The following SH3KBP1 variants were observed in gnomAD, a reference collection of about 807,000 sequenced individuals.
SH3KBP1 encodes SH3 domain containing kinase binding protein 1.
SH3KBP1 carries 8 observed loss-of-function variants against 50.1 expected under a neutral mutation model. The observed-to-expected ratio is 0.16, with a 90% CI of 0.09 to 0.29. The LOEUF is 0.29. SH3KBP1 is among the 10% of genes least tolerant of loss of function. The probability of loss-of-function intolerance (pLI) is 1.00; values close to 1 mark genes in which losing one functional copy is unlikely to be tolerated. For missense variants in SH3KBP1, 377 were observed against 535.2 expected, an observed-to-expected ratio of 0.70 and a Z score of 2.92; for synonymous variants, 227 against 218.6, an observed-to-expected ratio of 1.04 and a Z score of -0.34.
At chrX:19,842,217 C>A (rs767932498) in intron 1 of SH3KBP1, among the ~76,000 whole-genome samples, 30 of 112,106 alleles carry the variant, frequency 2.7e-4, no homozygotes, top group African/African-American at 8.4e-4. Flanking sequence ...AAATTTTATA[C>A]CTCAGTACAG....
chrX:19,804,892 C>T (rs1241366355), intron 2 of SH3KBP1, among the ~76,000 whole-genome samples: 4 of 85,957 alleles, frequency 4.7e-5, no homozygotes, highest in Non-Finnish European at 9.2e-5. Context: ...ACCCCCCCCC[C>T]CCCACCCGCT....
intron 12 of SH3KBP1, among the ~76,000 whole-genome samples, chrX:19,585,043 T>C (rs1208040973): frequency 3.6e-5 from 4 of 112,291 alleles, no homozygotes; most frequent in Non-Finnish European, 5.6e-5. Context: ...AGAAAACAAG[T>C]GCATAAACCA....
chrX:19,545,745 A>AT (rs2065063746), intron 15 of SH3KBP1, among the ~76,000 whole-genome samples, 177 bp downstream of exon 15: 1 of 112,190 alleles, frequency 8.9e-6, no homozygotes, highest in African/African-American at 3.2e-5. Context: ...TATCTCAGGG[A>AT]TTCTGCCTAG....
At chrX:19,856,333 C>G (rs759877306) in intron 1 of SH3KBP1, among the ~76,000 whole-genome samples, 8 of 111,539 alleles carry the variant, frequency 7.2e-5, no homozygotes, top group Non-Finnish European at 1.3e-4. Flanking sequence ...ACTACACTAC[C>G]CTCCCCCAAA....
intron 13 of SH3KBP1, among the ~76,000 whole-genome samples, chrX:19,568,605 G>C (rs981477743): frequency 2.7e-5 from 3 of 111,910 alleles, no homozygotes; most frequent in African/African-American, 9.7e-5. Flanking sequence ...TTTACCCAGA[G>C]AGACTGTAGC....
chrX:19,858,347 G>A (rs940183703), intron 1 of SH3KBP1, among the ~76,000 whole-genome samples: 1 of 110,877 alleles, frequency 9.0e-6, no homozygotes, highest in Admixed American at 9.6e-5. Flanking sequence ...CTCACCAGGT[G>A]CAGTGGCTTA....
chrX:19,617,013 C>T (rs2067636908), intron 8 of SH3KBP1, among the ~76,000 whole-genome samples: 1 of 112,070 alleles, frequency 8.9e-6, no homozygotes, highest in African/African-American at 3.2e-5. Context: ...ATTTCTGACA[C>T]TCTTTCCTTG....
At chrX:19,864,817 G>A (rs1209448170) in intron 1 of SH3KBP1, among the ~76,000 whole-genome samples, 1 of 112,136 alleles carries the variant, frequency 8.9e-6, no homozygotes, top group African/African-American at 3.3e-5. Flanking sequence ...CCACCGCTGC[G>A]TCTTTTGGAC....
intron 1 of SH3KBP1, among the ~76,000 whole-genome samples, chrX:19,877,421 G>A (rs924672619): frequency 4.5e-5 from 5 of 112,009 alleles, no homozygotes; most frequent in African/African-American, 1.3e-4. Context: ...GAGCAAGAAT[G>A]GCCTTTCCCA....
chrX:19,646,277 T>G (rs1172157520), intron 6 of SH3KBP1, among the ~76,000 whole-genome samples: 1 of 112,167 alleles, frequency 8.9e-6, no homozygotes, highest in Non-Finnish European at 1.9e-5. Context: ...ATTTATGAAC[T>G]GTCCATAGAG....
chrX:19,744,870 CTTAA>C (rs746281329), intron 3 of SH3KBP1, among the ~76,000 whole-genome samples: 1 of 112,407 alleles, frequency 8.9e-6, no homozygotes, highest in Non-Finnish European at 1.9e-5. Flanking sequence ...AATTCCTTAC[CTTAA>C]TTAATTCCTT....
At chrX:19,544,078 C>T (rs905038003) in intron 15 of SH3KBP1, among the ~76,000 whole-genome samples, 1 of 110,771 alleles carries the variant, frequency 9.0e-6, no homozygotes, top group Non-Finnish European at 1.9e-5. Context: ...GCTGGCATGG[C>T]GAGGAGGCAG....
At chrX:19,741,415 G>A (rs1312222678) in intron 3 of SH3KBP1, among the ~76,000 whole-genome samples, 1 of 112,198 alleles carries the variant, frequency 8.9e-6, no homozygotes, top group African/African-American at 3.2e-5. Context: ...AAATAAAGAT[G>A]GTAAAAGCAG....
chrX:19,817,865 C>T (rs2147316416), intron 2 of SH3KBP1, among the ~76,000 whole-genome samples: 1 of 111,921 alleles, frequency 8.9e-6, no homozygotes, highest in South Asian at 3.7e-4. Flanking sequence ...GAACTCCTCA[C>T]CTCAAGTGAT....
intron 6 of SH3KBP1, among the ~76,000 whole-genome samples, chrX:19,669,166 A>G (rs183186413): frequency 2.7e-4 from 27 of 101,494 alleles, no homozygotes; most frequent in Non-Finnish European, 4.4e-4. Context: ...GGGTTTTGCC[A>G]TGTTGCCGAG....
chrX:19,635,521 C>T (rs1405282034), intron 7 of SH3KBP1, among the ~76,000 whole-genome samples: 7 of 106,458 alleles, frequency 6.6e-5, no homozygotes, highest in Middle Eastern at 4.8e-3. Flanking sequence ...ACATTCTGCA[C>T]GTGTATCCCG....
At chrX:19,625,267 A>G (rs887196829) in intron 8 of SH3KBP1, among the ~76,000 whole-genome samples, 7 of 111,769 alleles carry the variant, frequency 6.3e-5, no homozygotes, top group African/African-American at 2.3e-4. Context: ...AATAAACATT[A>G]GAACAAAAAA....
intron 3 of SH3KBP1, among the ~76,000 whole-genome samples, chrX:19,733,484 G>A (rs1230355917): frequency 1.8e-5 from 2 of 109,803 alleles, no homozygotes; most frequent in African/African-American, 6.6e-5. Flanking sequence ...AAATGGTCCT[G>A]GAAAAGTGGC....
At chrX:19,814,175 T>C (rs146578259) in intron 2 of SH3KBP1, among the ~76,000 whole-genome samples, 1,559 of 110,617 alleles carry the variant, frequency 0.014, 29 homozygotes, top group African/African-American at 0.048. Context: ...CCCCCAGTCT[T>C]ACCAGCAAAT....
Sources: allele counts gnomAD v4.1 joint callset (sites outside exome capture counted in the v4.1 genomes callset), GRCh38; gene constraint gnomAD v4.1.1; transcripts MANE v1.5; gene names NCBI Gene and HGNC (gene_info 2026-07-23, HGNC 2026-07-21).